Variants in NUP155 observed in about 807,000 individuals in gnomAD.
NUP155 encodes the protein nucleoporin 155.
NUP155 carries 71 observed loss-of-function variants against 180.4 expected under a neutral mutation model. That is an observed-to-expected ratio of 0.39 (90% CI 0.33 to 0.48). The LOEUF is 0.48. NUP155 is among the 20% of genes least tolerant of loss of function. NUP155 has a pLI of 0.91. For missense variants in NUP155, 1,553 were observed against 1,648.9 expected, an observed-to-expected ratio of 0.94 and a Z score of 1.01; for synonymous variants, 582 against 559.5, an observed-to-expected ratio of 1.04 and a Z score of -0.57.
At chr5:37,306,697 C>T (rs1015855867) in intron 25 of NUP155, among the ~76,000 whole-genome samples, 1 of 151,980 alleles carries the variant, frequency 6.6e-6, no homozygotes. Flanking sequence ...GAACTCCTGA[C>T]CTCATGATCT....
chr5:37,328,596 C>T (rs1158372120), intron 16 of NUP155, among the ~76,000 whole-genome samples, 176 bp from the exon 17 acceptor site: 2 of 152,070 alleles, frequency 1.3e-5, no homozygotes, highest in East Asian at 1.9e-4. Flanking sequence ...CTCTGTCTCC[C>T]GGGTTCAAGC....
intron 9 of NUP155, among the ~76,000 whole-genome samples, chr5:37,347,898 A>G (rs1476174975): frequency 6.6e-6 from 1 of 152,000 alleles, no homozygotes; most frequent in Non-Finnish European, 1.5e-5. Flanking sequence ...GCACTTTGGG[A>G]GGTTGAGGCG....
At position 37,301,565 on chromosome 5, in the gene NUP155, A is replaced by C. The variant is rs1386209433; in HGVS notation, c.3448-15T>G. ...ATCCTAGCAACCTAGTTTGGGCAGAAAACAGGATGTCTTAATTTATTTATG... is the reference window on the plus strand; with the variant it reads ...ATCCTAGCAACCTAGTTTGGGCAGACAACAGGATGTCTTAATTTATTTATG... On this transcript the variant is annotated splice_polypyrimidine_tract_variant and intron_variant, in intron 29 of 34. Transcript: ENST00000231498. 1 of 1,398,066 alleles carries C rather than the reference A, an allele frequency of 7.2e-7. No homozygotes were observed. Among genetic ancestry groups the C allele is most frequent in the South Asian group, 1.2e-5 (1 of 86,726 alleles). 86.6% of individuals were successfully genotyped at this position (1,398,066 alleles called of 1,614,324 possible). A position where few individuals can be genotyped will look rare whatever the true frequency, so the allele number is the denominator to read the frequency against.
chr5:37,306,763 C>T (rs1036428138), intron 25 of NUP155, among the ~76,000 whole-genome samples: 3 of 151,996 alleles, frequency 2.0e-5, no homozygotes, highest in Non-Finnish European at 2.9e-5. Flanking sequence ...CTGTGCCTGG[C>T]CTATATTTCT....
chr5:37,351,265 T>A lies in NUP155; in HGVS notation c.648A>T (p.Leu216Phe). ...YSLPTDNTYLLTITSTDNGRI... is the reference protein window; with the variant it reads ...YSLPTDNTYLFTITSTDNGRI... ...TGCCATTATCAGTGGAAGTTATTGT[T>A]AAAAGGTAAGTATTATCAGTAGGAA... The change falls in exon 6 of 35, where the codon TTA becomes TTT. Residue 216 changes from leucine to phenylalanine, a missense_variant. By Grantham distance (22) the Leu-to-Phe change is conservative (BLOSUM62 0). Coordinates refer to ENST00000231498, the MANE Select transcript of NUP155 (RefSeq NM_153485.3). The A allele has an allele frequency of 6.2e-7, 1 of 1,613,404 alleles. No homozygotes were observed. Among genetic ancestry groups the A allele is most frequent in the Non-Finnish European group, 8.5e-7 (1 of 1,179,434 alleles).
chr5:37,353,292 C>T (rs1015725056), intron 4 of NUP155, among the ~76,000 whole-genome samples: 3 of 151,816 alleles, frequency 2.0e-5, no homozygotes, highest in Non-Finnish European at 4.4e-5. Flanking sequence ...TGGAATACTA[C>T]TGAACTTTAA....
chr5:37,317,803 T>C (rs1301229975), intron 21 of NUP155, among the ~76,000 whole-genome samples, 185 bp downstream of exon 21: 4 of 150,464 alleles, frequency 2.7e-5, no homozygotes, highest in Non-Finnish European at 3.0e-5. Flanking sequence ...TCCTCCCAAC[T>C]CAGCCTTCCA....
intron 1 of NUP155, among the ~76,000 whole-genome samples, chr5:37,365,752 T>TACATATACAC (rs1747540376): frequency 2.6e-5 from 1 of 37,890 alleles, no homozygotes; most frequent in African/African-American, 1.1e-4. Flanking sequence ...TATATATATA[T>TACATATACAC]ACACACACAC....
chr5:37,350,230 T>C lies in NUP155; in HGVS notation c.759A>G (p.Lys253=), dbSNP rs774619968. 1 of 1,613,938 alleles carries C rather than the reference T, an allele frequency of 6.2e-7. No individual in the cohort carries two copies. Among genetic ancestry groups the C allele is most frequent in the Non-Finnish European group, 8.5e-7 (1 of 1,179,912 alleles). The change falls in exon 7 of 35, where the codon AAA becomes AAG. Residue 253 remains lysine, a synonymous_variant. Transcript: ENST00000231498. ...AAAGTGAGCTCTTTGAGTGGTTTAT[T>C]TTCCTACATCTTTGGCTAAACCACC... ...EAGWFSQRCR[K]INHSKSSLSF...
chr5:37,329,212 G>A lies in NUP155; in HGVS notation c.1791C>T (p.Ile597=), dbSNP rs1178179967. ...TLPPPSNVGP[I]LGSPVYSSSP... is the part of the protein sequence containing the mutation. ...CACTAGAATAGACAGGAGACCCCAA[G>A]ATGGGACCAACATTACTTGGAGGCG... The change falls in exon 16 of 35, where the codon ATC becomes ATT. Residue 597 remains isoleucine, a synonymous_variant. Coordinates refer to ENST00000231498, the MANE Select transcript of NUP155 (RefSeq NM_153485.3). 3 of 1,613,586 alleles carry A rather than the reference G, an allele frequency of 1.9e-6. No homozygotes were observed.
chr5:37,358,266 C>T (rs1746975997), intron 3 of NUP155, 115 bp from the exon 4 acceptor site: 3 of 764,290 alleles, frequency 3.9e-6, no homozygotes, highest in Non-Finnish European at 7.0e-6. Flanking sequence ...ACTGCCTGAG[C>T]CCAGAAGTTC....
Position 37,324,027 on chromosome 5 carries a change from G to A in NUP155, c.2172C>T (p.Asn724=), listed in dbSNP as rs769238910. ...CTAATGGTCCTCCTGCAAACTGGGA[G>A]TTTCTGTCTAGAAATTCCTGCAAAC... ...LKGLQEFLDR[N]SQFAGGPLGN... is the part of the protein sequence containing the mutation. The change falls in exon 20 of 35, where the codon AAC becomes AAT. Residue 724 remains asparagine (N), a synonymous_variant. Transcript: ENST00000231498. 11 of 1,612,856 alleles carry A rather than the reference G, an allele frequency of 6.8e-6. No homozygotes were observed. Among genetic ancestry groups the A allele is most frequent in the Non-Finnish European group, 9.3e-6 (11 of 1,179,034 alleles).
chr5:37,340,644 AAT>A (rs1463581710), intron 11 of NUP155, among the ~76,000 whole-genome samples: 1 of 152,204 alleles, frequency 6.6e-6, no homozygotes, highest in Middle Eastern at 3.2e-3. Flanking sequence ...TGGGGGATAT[AAT>A]AGTCTTTTCA....
chr5:37,340,123 C>T lies in NUP155; in HGVS notation c.1246+967G>A, dbSNP rs190253628. The stretch of plus-strand genomic sequence containing the variant: ...AAAATTCATATGAAAATTCAAGAAA[C>T]TGAGAAGAGCCAAAATCATCTTTTA... On this transcript the variant is annotated intron_variant, in intron 11 of 34. Transcript: ENST00000231498. Among the ~76,000 whole-genome samples, 344 of 152,096 alleles carry T rather than the reference C, an allele frequency of 2.3e-3. 2 individuals carry two copies. The highest frequency in any genetic ancestry group is 8.0e-3 in the African/African-American group (334 of 41,504).
At chr5:37,306,677 G>C (rs905879720) in intron 25 of NUP155, among the ~76,000 whole-genome samples, 2 of 151,946 alleles carry the variant, frequency 1.3e-5, no homozygotes, top group Non-Finnish European at 2.9e-5. Flanking sequence ...ATGATGGCCA[G>C]GCTGGTCTCG....
chr5:37,297,626 C>A (rs146120593), intron 32 of NUP155, among the ~76,000 whole-genome samples: 7 of 151,892 alleles, frequency 4.6e-5, no homozygotes, highest in Non-Finnish European at 1.0e-4. Context: ...GCGATCCATC[C>A]GCCTCGGCCT....
chr5:37,322,120 C>T (rs899698798), intron 20 of NUP155, among the ~76,000 whole-genome samples: 1 of 152,038 alleles, frequency 6.6e-6, no homozygotes, highest in African/African-American at 2.4e-5. Flanking sequence ...TCCCAAAGTA[C>T]TGGGATTACA....
At chr5:37,318,904 A>C (rs1165644016) in intron 20 of NUP155, among the ~76,000 whole-genome samples, 3 of 152,238 alleles carry the variant, frequency 2.0e-5, no homozygotes, top group Non-Finnish European at 4.4e-5. Flanking sequence ...CAGATAATGT[A>C]CTTTTTCATC....
intron 30 of NUP155, among the ~76,000 whole-genome samples, chr5:37,299,956 T>A (rs1346400628): frequency 6.6e-6 from 1 of 150,918 alleles, no homozygotes; most frequent in Non-Finnish European, 1.5e-5. Flanking sequence ...AAGGTGGAGG[T>A]TGCAGTCAGC....
Sources: gnomAD v4.1 joint callset for allele counts (sites outside exome capture counted in the v4.1 genomes callset) on GRCh38, gnomAD v4.1.1 for gene constraint, MANE v1.5 for transcripts, NCBI Gene and HGNC (gene_info 2026-07-23, HGNC 2026-07-21) for gene names.